The following PLAA variants were observed in gnomAD, a reference collection of about 807,000 sequenced individuals.
PLAA encodes the protein phospholipase A2 activating protein, also known as phospholipase A-2-activating protein.
PLAA carries 48 observed loss-of-function variants against 84.1 expected under a neutral mutation model. The ratio of observed to expected loss-of-function variants is 0.57; its 90% CI spans 0.45 to 0.73. The LOEUF is 0.73. PLAA is among the 30% of genes least tolerant of loss of function. The probability of loss-of-function intolerance (pLI) is 0.00; values close to 1 mark genes in which losing one functional copy is unlikely to be tolerated. For synonymous variants in PLAA, 392 were observed against 336.6 expected (o/e 1.16, Z -1.80); for missense variants, 903 against 954.7 (o/e 0.95, Z 0.71).
At chr9:26,944,770 T>G (rs982871581) in intron 1 of PLAA, among the ~76,000 whole-genome samples, 3 of 152,104 alleles carry the variant, frequency 2.0e-5, no homozygotes, top group African/African-American at 7.2e-5. Flanking sequence ...TGTGGCAAAA[T>G]GCAAGTTCTT....
intron 2 of PLAA, among the ~76,000 whole-genome samples, chr9:26,930,626 A>G (rs1420889910): frequency 6.8e-6 from 1 of 146,650 alleles, no homozygotes; most frequent in African/African-American, 2.5e-5. Context: ...CTTGTTGCCC[A>G]GGCTGGAGTG....
At chr9:26,936,312 C>T (rs995347192) in intron 1 of PLAA, among the ~76,000 whole-genome samples, 4 of 151,708 alleles carry the variant, frequency 2.6e-5, no homozygotes, top group African/African-American at 7.3e-5. Context: ...TAGTAAGGGC[C>T]TTAGGAGACC....
intron 1 of PLAA, among the ~76,000 whole-genome samples, chr9:26,938,371 G>A (rs184036304): frequency 6.5e-4 from 99 of 152,016 alleles, no homozygotes; most frequent in South Asian, 4.0e-3. Context: ...TCAACATAGC[G>A]AAACCCCATC....
At chr9:26,906,117 G>T in intron 13 of PLAA, 41 bp from the exon 14 acceptor site, 2 of 1,287,328 alleles carry the variant, frequency 1.6e-6, no homozygotes, top group South Asian at 2.3e-5. Context: ...TGAAAATAAA[G>T]AAAATTTCTT....
At position 26,942,176 on chromosome 9, in the gene PLAA, C is replaced by A. The variant is rs59693413; in HGVS notation, c.149+4721G>T. Reference sequence around the variant, plus strand: ...TCTTAAAACATTTATTACTGATGCACTACATTTCAGGAAGCTCTTAGAGGT... The same window carrying A: ...TCTTAAAACATTTATTACTGATGCAATACATTTCAGGAAGCTCTTAGAGGT... On this transcript the variant is annotated intron_variant, in intron 1 of 13. Coordinates refer to ENST00000397292, the MANE Select transcript of PLAA (RefSeq NM_001031689.3). Among the ~76,000 whole-genome samples the A allele has an allele frequency of 3.0e-4, 45 of 152,274 alleles. No homozygotes were observed. In the East Asian group the frequency reaches 8.3e-3, roughly 28 times the overall value.
chr9:26,926,461 T>C lies in PLAA; in HGVS notation c.665A>G (p.Glu222Gly). 6.2e-7 allele frequency: 1 copy of C among 1,612,456 alleles called. No homozygotes were observed. The highest frequency in any genetic ancestry group is 8.5e-7 in the Non-Finnish European group (1 of 1,178,640). The change falls in exon 5 of 14, where the codon GAG (glutamate) becomes GGG (glycine). Residue 222 changes from glutamate (E) to glycine (G), a missense_variant. Physicochemically the swap from Glu to Gly is moderately conservative, Grantham distance 98 (BLOSUM62 -2). Coordinates refer to ENST00000397292, the MANE Select transcript of PLAA (RefSeq NM_001031689.3). ...ASIRRWQITG[E>G]CLEVYYGHTN... ...ATGTCCATAATATACTTCAAGACAC[T>C]CGCCAGTGATTTGCCACCTTCTAAT...
intron 4 of PLAA, among the ~76,000 whole-genome samples, chr9:26,926,831 T>C (rs1383256311): frequency 6.6e-6 from 1 of 152,048 alleles, no homozygotes; most frequent in East Asian, 1.9e-4. Flanking sequence ...CAATAATTTG[T>C]TTTCACCTGA....
chr9:26,919,520 A>G lies in PLAA; in HGVS notation c.1207T>C (p.Tyr403His). ...TCATTGACATCAATTGAGAAAACAT[A>G]ATCAAATTCCTAAAGTAGGAATATA... ...KVLYEGKEFD[Y>H]VFSIDVNEGG... The change falls in exon 9 of 14, where the codon TAT (tyrosine) becomes CAT (histidine). Residue 403 changes from tyrosine (Y) to histidine (H), a missense_variant. By Grantham distance (83) the Tyr-to-His change is moderately conservative (BLOSUM62 2). Coordinates refer to ENST00000397292, the MANE Select transcript of PLAA (RefSeq NM_001031689.3). The G allele has an allele frequency of 1.9e-6, 3 of 1,580,200 alleles. No homozygotes were observed. The South Asian group carries it at 3.3e-5, about 18-fold the overall frequency.
chr9:26,939,428 T>C (rs191672736), intron 1 of PLAA, among the ~76,000 whole-genome samples: 85 of 86,426 alleles, frequency 9.8e-4, no homozygotes, highest in Admixed American at 3.9e-3. Context: ...AACAAACATA[T>C]AAATAAATAA....
chr9:26,935,895 A>G (rs1825343817), intron 1 of PLAA, among the ~76,000 whole-genome samples: 1 of 151,376 alleles, frequency 6.6e-6, no homozygotes, highest in African/African-American at 2.4e-5. Flanking sequence ...ATATCAATGA[A>G]CACAGTACAT....
At chr9:26,944,070 G>A (rs1825618023) in intron 1 of PLAA, among the ~76,000 whole-genome samples, 1 of 152,188 alleles carries the variant, frequency 6.6e-6, no homozygotes, top group Admixed American at 6.5e-5. Context: ...TTTAAGAGGT[G>A]ATTAGATCAA....
intron 6 of PLAA, 77 bp from the exon 7 acceptor site, chr9:26,923,424 T>G: frequency 9.5e-7 from 1 of 1,054,984 alleles, no homozygotes; most frequent in East Asian, 2.4e-5. Context: ...TGATCCATAG[T>G]AAAAATAATC....
Position 26,925,856 on chromosome 9 carries a change from G to T in PLAA, c.838C>A (p.Leu280Ile). The T allele has an allele frequency of 1.2e-6, 2 of 1,613,846 alleles. No homozygotes were observed. Among genetic ancestry groups the T allele is most frequent in the Non-Finnish European group, 1.7e-6 (2 of 1,179,836 alleles). ...CCAACCACAATGTCACCATTGTCGA[G>T]CACACAGCAGCACCATATAGACTGA... ...PAQSIWCCCVLDNGDIVVGAS... is the reference protein window; with the variant it reads ...PAQSIWCCCVIDNGDIVVGAS... Residue 280 changes from leucine (L) to isoleucine (I), a missense_variant, in exon 6 of 14, where the codon CTC (leucine) becomes ATC (isoleucine). Coordinates refer to ENST00000397292, the MANE Select transcript of PLAA (RefSeq NM_001031689.3).
intron 10 of PLAA, chr9:26,915,588 C>T (rs1824523878): frequency 1.6e-6 from 1 of 608,044 alleles, no homozygotes; most frequent in African/African-American, 2.0e-5. Context: ...TTGCTTAACA[C>T]TTACACATAT....
At chr9:26,941,282 T>C (rs1026708153) in intron 1 of PLAA, among the ~76,000 whole-genome samples, 6 of 151,964 alleles carry the variant, frequency 3.9e-5, no homozygotes, top group African/African-American at 4.8e-5. Context: ...AAGAAAATCT[T>C]TGAATGGGGG....
At chr9:26,930,261 C>T (rs539432015) in intron 2 of PLAA, among the ~76,000 whole-genome samples, 2 of 151,936 alleles carry the variant, frequency 1.3e-5, no homozygotes, top group Non-Finnish European at 2.9e-5. Context: ...CCCGCCACCA[C>T]GCCCAGCTAA....
In PLAA at chr9:26,905,635, T is replaced by C. The variant is rs78886918; in HGVS notation, c.2264A>G (p.Asp755Gly). ...GGCTAATTGTACAGCATTTGAATCA[T>C]CACTGATAAGTGTTCCAAGAGCCAC... ...LLVALGTLIS[D>G]DSNAVQLAKS... Residue 755 changes from aspartate to glycine, a missense_variant, in exon 14 of 14, where the codon GAT (aspartate) becomes GGT (glycine). Transcript: ENST00000397292. 4,059 of 1,614,184 alleles carry C rather than the reference T, an allele frequency of 2.5e-3. 9 individuals are homozygous for C. Among genetic ancestry groups the C allele is most frequent in the Non-Finnish European group, 3.0e-3 (3,562 of 1,179,994 alleles).
At chr9:26,910,291 C>G (rs777397845) in intron 12 of PLAA, 47 bp downstream of exon 12, 2 of 1,396,470 alleles carry the variant, frequency 1.4e-6, no homozygotes, top group South Asian at 1.2e-5. Context: ...TTGATGACAT[C>G]TCAAACAGTC....
rs1016166152 is a variant in PLAA, at chr9:26,903,802, T to C, written c.*1709A>G. Among the ~76,000 whole-genome samples the C allele has an allele frequency of 1.3e-5, 2 of 152,206 alleles. No individual in the cohort carries two copies. Among genetic ancestry groups the C allele is most frequent in the African/African-American group, 4.8e-5 (2 of 41,464 alleles). On this transcript the variant is annotated 3_prime_UTR_variant, in exon 14 of 14. Transcript: ENST00000397292. ...TTGCACAGTAATAGGAAGCAGTGTT[T>C]ACATTTTGCCACCCCTTACATTTTG...
Sources: gnomAD v4.1 joint callset for allele counts (sites outside exome capture counted in the v4.1 genomes callset) on GRCh38, gnomAD v4.1.1 for gene constraint, MANE v1.5 for transcripts, NCBI Gene and HGNC (gene_info 2026-07-23, HGNC 2026-07-21) for gene names.